The following MRTFB variants were observed in gnomAD, a reference collection of about 807,000 sequenced individuals.
The protein encoded by MRTFB is myocardin-related transcription factor B.
Under a neutral mutation model 104.2 loss-of-function variants are expected in MRTFB, and 29 were observed. The observed-to-expected ratio is 0.28, with a 90% CI of 0.21 to 0.38. MRTFB has a LOEUF of 0.38. Among genes scored for constraint, MRTFB ranks in the 10% least tolerant of loss-of-function variants. The pLI is 1.00. For missense variants in MRTFB, 1,270 were observed against 1,341.6 expected (o/e 0.95, Z 0.83); for synonymous variants, 535 against 519.5 (o/e 1.03, Z -0.41).
At chr16:14,127,921 A>ATTT (rs2037218973) in intron 2 of MRTFB, among the ~76,000 whole-genome samples, 1 of 39,910 alleles carries the variant, frequency 2.5e-5, no homozygotes, top group Non-Finnish European at 4.0e-5. Context: ...ATATATATAT[A>ATTT]TATATATATT....
chr16:14,152,162 C>G (rs904529093), intron 3 of MRTFB: 3 of 152,022 alleles, frequency 2.0e-5, no homozygotes, highest in African/African-American at 7.2e-5. Context: ...GAGTTGTCTT[C>G]TAAGTTCTTT....
chr16:13,998,054 G>T, the MRTFB span, among the ~76,000 whole-genome samples: 7 of 152,162 alleles, frequency 4.6e-5, no homozygotes, highest in Non-Finnish European at 1.0e-4. Flanking sequence ...AAGATTTAAA[G>T]GAAGAGCATT....
intron 2 of MRTFB, among the ~76,000 whole-genome samples, chr16:14,090,739 G>C (rs1297729037): frequency 3.3e-5 from 5 of 152,168 alleles, no homozygotes; most frequent in Non-Finnish European, 5.9e-5. Flanking sequence ...AAGTACACTA[G>C]CACCAGATAT....
intron 3 of MRTFB, 33 bp downstream of exon 3, chr16:14,140,793 T>C (rs1368871645): frequency 1.9e-6 from 3 of 1,613,106 alleles, no homozygotes; most frequent in Non-Finnish European, 2.5e-6. Flanking sequence ...GATCTTTGAT[T>C]TAAAGATTTC....
chr16:14,086,396 A>G (rs2034705073), intron 2 of MRTFB, among the ~76,000 whole-genome samples: 1 of 152,212 alleles, frequency 6.6e-6, no homozygotes, highest in Non-Finnish European at 1.5e-5. Flanking sequence ...ATTTGCATGT[A>G]TAACGTCTTA....
chr16:14,032,728 C>T, the MRTFB span, among the ~76,000 whole-genome samples: 1 of 152,060 alleles, frequency 6.6e-6, no homozygotes, highest in African/African-American at 2.4e-5. Flanking sequence ...TCTATATGAA[C>T]CCCAGGTAGC....
At chr16:14,101,778 C>G (rs1262452570) in intron 2 of MRTFB, among the ~76,000 whole-genome samples, 1 of 152,040 alleles carries the variant, frequency 6.6e-6, no homozygotes, top group African/African-American at 2.4e-5. Context: ...AGGTATTTCT[C>G]CAATAAACTA....
intron 2 of MRTFB, among the ~76,000 whole-genome samples, chr16:14,116,682 G>T (rs1330985617): frequency 6.6e-6 from 1 of 151,794 alleles, no homozygotes; most frequent in Non-Finnish European, 1.5e-5. Flanking sequence ...TGGGGCGGGG[G>T]TGGTCATTGT....
intron 13 of MRTFB, 37 bp from the exon 14 acceptor site, chr16:14,251,825 A>G (rs771376749): frequency 4.4e-6 from 7 of 1,603,010 alleles, no homozygotes; most frequent in Non-Finnish European, 5.1e-6. Flanking sequence ...AGAAAAGCCA[A>G]AGAACAAATT....
the MRTFB span, among the ~76,000 whole-genome samples, chr16:14,042,102 T>G: frequency 6.6e-6 from 1 of 151,900 alleles, no homozygotes; most frequent in Non-Finnish European, 1.5e-5. Flanking sequence ...CTGCACATCC[T>G]CACCAACACG....
the MRTFB span, among the ~76,000 whole-genome samples, chr16:14,045,127 T>A: frequency 1.3e-5 from 2 of 152,176 alleles, no homozygotes; most frequent in African/African-American, 2.4e-5. Context: ...TCTCACTTAT[T>A]ATCACCATCA....
intron 2 of MRTFB, among the ~76,000 whole-genome samples, chr16:14,086,767 A>G (rs1238803812): frequency 6.6e-6 from 1 of 152,244 alleles, no homozygotes; most frequent in East Asian, 1.9e-4. Flanking sequence ...GCAAGGAATT[A>G]CTAGCAGTAG....
intron 3 of MRTFB, among the ~76,000 whole-genome samples, chr16:14,171,602 A>G (rs929524757): frequency 1.3e-5 from 2 of 152,102 alleles, no homozygotes; most frequent in African/African-American, 4.8e-5. Context: ...TCATTCCCAC[A>G]TCACTGGGTT....
chr16:14,017,104 T>G, the MRTFB span, among the ~76,000 whole-genome samples: 1 of 144,678 alleles, frequency 6.9e-6, no homozygotes, highest in Non-Finnish European at 1.5e-5. Flanking sequence ...TTGCCCAGGC[T>G]GGAGTGCAGT....
chr16:14,008,374 T>C, the MRTFB span, among the ~76,000 whole-genome samples: 2 of 152,222 alleles, frequency 1.3e-5, no homozygotes, highest in Non-Finnish European at 2.9e-5. Context: ...TTTGAATTAG[T>C]TTTTGTTTAT....
chr16:14,252,690 T>C (rs1312561262), intron 15 of MRTFB, among the ~76,000 whole-genome samples, 188 bp downstream of exon 15: 1 of 152,234 alleles, frequency 6.6e-6, no homozygotes, highest in East Asian at 1.9e-4. Context: ...TAAACAGCTT[T>C]CAGCAGCAGT....
intron 3 of MRTFB, among the ~76,000 whole-genome samples, chr16:14,176,357 G>A (rs1223921298): frequency 6.6e-6 from 1 of 152,166 alleles, no homozygotes; most frequent in Admixed American, 6.5e-5. Flanking sequence ...TGGGGTAAGG[G>A]GTTTCGGAAA....
chr16:14,171,392 T>A (rs1473791843), intron 3 of MRTFB, among the ~76,000 whole-genome samples: 1 of 151,900 alleles, frequency 6.6e-6, no homozygotes, highest in Admixed American at 6.5e-5. Context: ...CTACTCGGGA[T>A]GCTGAGGCAG....
chr16:14,023,610 C>CATACATATACAT, the MRTFB span, among the ~76,000 whole-genome samples: 48 of 106,970 alleles, frequency 4.5e-4, 1 homozygote, highest in East Asian at 5.9e-3. Context: ...CACACACACA[C>CATACATATACAT]ATACATATAC....
Sources: gnomAD v4.1 joint callset for allele counts (sites outside exome capture counted in the v4.1 genomes callset) on GRCh38, gnomAD v4.1.1 for gene constraint, MANE v1.5 for transcripts, NCBI Gene and HGNC (gene_info 2026-07-23, HGNC 2026-07-21) for gene names.